Variants in CYP2D6 observed in about 807,000 individuals in gnomAD.
The protein encoded by CYP2D6 is cytochrome P450 family 2 subfamily D member 6 (gene/pseudogene).
CYP2D6 carries 51 observed loss-of-function variants against 43.5 expected under a neutral mutation model. The observed-to-expected ratio is 1.17, with a 90% CI of 0.94 to 1.48. The LOEUF (loss-of-function observed/expected upper bound fraction) is 1.48. Ranked by LOEUF, CYP2D6 falls within the 40% of genes most tolerant of loss-of-function variation. The probability of loss-of-function intolerance (pLI) is 0.00; values close to 1 mark genes in which losing one functional copy is unlikely to be tolerated. For missense variants in CYP2D6, 698 were observed against 688.0 expected (o/e 1.01, Z -0.16); for synonymous variants, 346 against 297.1 (o/e 1.16, Z -1.69).
In CYP2D6 at chr22:42,129,381, C is replaced by G. The variant is rs1373570637; in HGVS notation, c.353-196G>C. The G allele has an allele frequency of 3.5e-6, 3 of 867,500 alleles. No individual in the cohort carries two copies. The East Asian group carries it at 7.8e-5, about 23-fold the overall frequency. The allele number at this position is 867,500 out of a possible 1,614,324, so 53.7% of individuals were successfully genotyped here. A position where few individuals can be genotyped will look rare whatever the true frequency, so the allele number is the denominator to read the frequency against. ...TTTGCCCCACCTCGTCTCTGCCCAC[C>G]CTGACCGCCTTTGCACTCAGGGAAG... On this transcript the variant is annotated intron_variant, in intron 2 of 8. Coordinates refer to ENST00000645361, the MANE Select transcript of CYP2D6 (RefSeq NM_000106.6).
At chr22:42,127,791 GCCTGTAC>G in intron 6 of CYP2D6, 44 bp downstream of exon 6, 1 of 1,601,426 alleles carries the variant, frequency 6.2e-7, no homozygotes, top group Non-Finnish European at 8.6e-7. Flanking sequence ...ATGGGCCCCC[GCCTGTAC>G]CCTTCCTCCC....
rs1223910273 is a variant in CYP2D6 at position 42,129,862 on chromosome 22, C to T, written c.228G>A (p.Thr76=). ...GDVFSLQLAW[T]PVVVLNGLAA... is the part of the protein sequence containing the mutation. Reference sequence around the variant, plus strand: ...CCAGCCCATTGAGCACGACCACCGGCGTCCAGGCCAGCTGCAGGCTGAACA... The same window carrying T: ...CCAGCCCATTGAGCACGACCACCGGTGTCCAGGCCAGCTGCAGGCTGAACA... The change falls in exon 2 of 9, where the codon ACG becomes ACA. Residue 76 remains threonine (T), a synonymous_variant. Coordinates refer to ENST00000645361, the MANE Select transcript of CYP2D6 (RefSeq NM_000106.6). The T allele has an allele frequency of 6.3e-7, 1 of 1,596,506 alleles. No homozygotes were observed. The highest frequency in any genetic ancestry group is 8.5e-7 in the Non-Finnish European group (1 of 1,172,038).
Position 42,126,728 on chromosome 22 carries a change from G to A in CYP2D6, c.1340C>T (p.Pro447Leu). ...GAGGAAGAGCTCCATGCGGGCCAGG[G>A]GCTCCCCGAGGCATGCACGGCGGCC... The part of the protein sequence containing the change: ...SAGRRACLGE[P>L]LARMELFLFF... The change falls in exon 9 of 9, where the codon CCC becomes CTC. Residue 447 changes from proline to leucine, a missense_variant. Around this residue, in one of 5 missense-constraint regions of CYP2D6, gnomAD observed 85 missense variants for 81.2 expected, o/e 1.05. Coordinates refer to ENST00000645361, the MANE Select transcript of CYP2D6 (RefSeq NM_000106.6). 3 of 1,559,204 alleles carry A rather than the reference G, an allele frequency of 1.9e-6. No individual in the cohort carries two copies. The highest frequency in any genetic ancestry group is 1.7e-6 in the Non-Finnish European group (2 of 1,152,382).
rs113420533 is a variant in CYP2D6 at position 42,127,839 on chromosome 22, C to T, written c.985+3G>A. On this transcript the variant is annotated splice_donor_region_variant and intron_variant, in intron 6 of 8. Coordinates refer to ENST00000645361, the MANE Select transcript of CYP2D6 (RefSeq NM_000106.6). ...CCCTGCACTGTTTCCCAGATGGGCT[C>T]ACGCTGCACATCCGGATGTAGGATC... 3.1e-6 allele frequency: 5 copies of T among 1,610,920 alleles called. No homozygotes were observed. Among genetic ancestry groups the T allele is most frequent in the Non-Finnish European group, 3.4e-6 (4 of 1,177,974 alleles).
Position 42,126,690 on chromosome 22 carries a change from G to T in CYP2D6, c.1378C>A (p.Leu460Met), listed in dbSNP as rs759631541. ...RMELFLFFTS[L>M]LQHFSFSVPT... ...ACCGAGAAGCTGAAGTGCTGCAGCA[G>T]GGAGGTGAAGAAGAGGAAGAGCTCC... is the stretch of plus-strand genomic sequence containing the variant. Residue 460 changes from leucine to methionine, a missense_variant, in exon 9 of 9, where the codon CTG becomes ATG. Around this residue, in one of 5 missense-constraint regions of CYP2D6, gnomAD observed 85 missense variants for 81.2 expected, o/e 1.05. Transcript: ENST00000645361. 6.3e-7 allele frequency: 1 copy of T among 1,598,414 alleles called. No individual in the cohort carries two copies. Among genetic ancestry groups the T allele is most frequent in the East Asian group, 2.3e-5 (1 of 44,246 alleles).
chr22:42,130,614 G>A lies in CYP2D6; in HGVS notation c.178C>T (p.Gln60Ter), dbSNP rs774157537. 3.8e-6 allele frequency: 6 copies of A among 1,599,492 alleles called. 1 individual carries two copies. The highest frequency in any genetic ancestry group is 3.4e-6 in the Non-Finnish European group (4 of 1,172,834). Reference sequence around the variant, plus strand: ...CCCTCCAGGACCTCCTCCCTCACCTGGTCGAAGCAGTATGGTGTGTTCTGG... The same window carrying A: ...CCCTCCAGGACCTCCTCCCTCACCTAGTCGAAGCAGTATGGTGTGTTCTGG... Reference protein sequence around the residue: ...DFQNTPYCFDQLRRRFGDVFS... With the variant: ...DFQNTPYCFD The change falls in exon 1 of 9, where the codon CAG becomes TAG. Residue 60 changes from glutamine to a stop codon, truncating the protein, a stop_gained and splice_region_variant. Coordinates refer to ENST00000645361, the MANE Select transcript of CYP2D6 (RefSeq NM_000106.6). LOFTEE classifies it high-confidence loss of function.
rs900446609 is a variant in CYP2D6, at chr22:42,128,939, G to A, written c.511C>T (p.Pro171Ser). 3 of 1,587,028 alleles carry A rather than the reference G, an allele frequency of 1.9e-6. No homozygotes were observed. Reference protein sequence around the residue: ...CAAFANHSGRPFRPNGLLDKA... With the variant: ...CAAFANHSGRSFRPNGLLDKA... ...TCCAAGAGACCGTTGGGGCGAAAGG[G>A]GCGTCCTGGGGGTGGGAGATGCGGG... The change falls in exon 4 of 9, where the codon CCC becomes TCC. Residue 171 changes from proline (P) to serine (S), a missense_variant. By Grantham distance (74) the Pro-to-Ser change is moderately conservative (BLOSUM62 -1). Around this residue, in one of 5 missense-constraint regions of CYP2D6, gnomAD observed 588 missense variants for 521.1 expected, o/e 1.13. Transcript: ENST00000645361.
In CYP2D6 at chr22:42,129,705, C is replaced by A. The variant is rs373884067; in HGVS notation, c.352+33G>T. 22 of 1,608,254 alleles carry A rather than the reference C, an allele frequency of 1.4e-5. 1 individual carries two copies. The highest frequency in any genetic ancestry group is 1.8e-5 in the Non-Finnish European group (21 of 1,177,546). On this transcript the variant is annotated intron_variant, in intron 2 of 8. Coordinates refer to ENST00000645361, the MANE Select transcript of CYP2D6 (RefSeq NM_000106.6). ...ACGGTCATCACCCACCCGGGTCCCA[C>A]GGAAATCTGTCTCTGTCCCCACCGC... is the stretch of plus-strand genomic sequence containing the variant.
chr22:42,128,409 T>C, intron 4 of CYP2D6, 59 bp from the exon 5 acceptor site: 1 of 1,580,230 alleles, frequency 6.3e-7, no homozygotes, highest in Non-Finnish European at 8.7e-7. Flanking sequence ...CCTGGACAAG[T>C]CTCAGGCCCC....
At chr22:42,129,529 T>G (rs969335101) in intron 2 of CYP2D6, 14 of 763,316 alleles carry the variant, frequency 1.8e-5, no homozygotes, top group Non-Finnish European at 3.1e-5. Context: ...TCCTGCCAGG[T>G]CTCGGCAGTG....
intron 2 of CYP2D6, 120 bp from the exon 3 acceptor site, chr22:42,129,305 A>C (rs1389173674): frequency 1.5e-6 from 2 of 1,291,710 alleles, no homozygotes; most frequent in East Asian, 4.8e-5. Context: ...CCAGCTGGTC[A>C]CAGGGCCCAC....
intron 6 of CYP2D6, 67 bp from the exon 7 acceptor site, chr22:42,127,701 C>G: frequency 6.3e-7 from 1 of 1,580,120 alleles, no homozygotes; most frequent in Non-Finnish European, 8.7e-7. Context: ...CTCCTTCTTG[C>G]CTCCTATGTT....
In CYP2D6 at chr22:42,128,786, C is replaced by G. The variant is rs753945541; in HGVS notation, c.664G>C (p.Glu222Gln). 2.5e-6 allele frequency: 4 copies of G among 1,605,794 alleles called. 1 individual carries two copies. Among genetic ancestry groups the G allele is most frequent in the Non-Finnish European group, 3.4e-6 (4 of 1,175,680 alleles). The change falls in exon 4 of 9, where the codon GAG (glutamate) becomes CAG (glutamine). Residue 222 changes from glutamate to glutamine, a missense_variant and splice_region_variant. Around this residue, in one of 5 missense-constraint regions of CYP2D6, gnomAD observed 588 missense variants for 521.1 expected, o/e 1.13. Transcript: ENST00000645361. ...GLKEESGFLR[E>Q]VLNAVPVLLH... is the part of the protein sequence containing the mutation. Reference sequence around the variant, plus strand: ...CTCCTCGGTCTCTCGCTCCGCACCTCGCGCAGAAAGCCCGACTCCTCCTTC... The same window carrying G: ...CTCCTCGGTCTCTCGCTCCGCACCTGGCGCAGAAAGCCCGACTCCTCCTTC...
Position 42,128,343 on chromosome 22 carries a change from T to C in CYP2D6, c.674A>G (p.Asn225Ser). The change falls in exon 5 of 9, where the codon AAT (asparagine) becomes AGT (serine). Residue 225 changes from asparagine to serine, a missense_variant. Asn to Ser is a conservative substitution (Grantham distance 46). This residue lies in a region of CYP2D6 where 588 missense variants were observed against 521.1 expected (regional missense o/e 1.13). Coordinates refer to ENST00000645361, the MANE Select transcript of CYP2D6 (RefSeq NM_000106.6). ...EESGFLREVLNAVPVLLHIPA... is the reference protein window; with the variant it reads ...EESGFLREVLSAVPVLLHIPA... ...GATATGCAGGAGGACGGGGACAGCATTCAGCACCTACACCAGACAGAACGG... is the reference window on the plus strand; with the variant it reads ...GATATGCAGGAGGACGGGGACAGCACTCAGCACCTACACCAGACAGAACGG... 1.3e-5 allele frequency: 21 copies of C among 1,610,198 alleles called. 1 individual carries two copies. Among genetic ancestry groups the C allele is most frequent in the Non-Finnish European group, 1.7e-5 (20 of 1,177,776 alleles).
chr22:42,126,649 G>A lies in CYP2D6; in HGVS notation c.1419C>T (p.Pro473=). 1.2e-6 allele frequency: 2 copies of A among 1,609,536 alleles called. No homozygotes were observed. The highest frequency in any genetic ancestry group is 1.7e-6 in the Non-Finnish European group (2 of 1,177,872). Residue 473 remains proline (P), a synonymous_variant, in exon 9 of 9, where the codon CCC becomes CCT. Transcript: ENST00000645361. The part of the protein sequence containing the change: ...HFSFSVPTGQ[P]RPSHHGVFAF... ...CAAAGACACCATGGTGGCTGGGCCG[G>A]GGCTGTCCAGTGGGCACCGAGAAGC...
rs770606097 is a variant in CYP2D6 at position 42,129,805 on chromosome 22, G to A, written c.285C>T (p.Gly95=). The change falls in exon 2 of 9, where the codon GGC becomes GGT. Residue 95 remains glycine (G), a synonymous_variant. Transcript: ENST00000645361. ...CAGGCGGGCGGTCGGCGGTGTCCTC[G>A]CCGTGGGTCACCAGCGCCTCGCGCA... The part of the protein sequence containing the change: ...AAVREALVTH[G]EDTADRPPVP... The A allele has an allele frequency of 6.2e-6, 10 of 1,606,014 alleles. 1 individual carries two copies. Among genetic ancestry groups the A allele is most frequent in the Admixed American group, 1.7e-5 (1 of 59,722 alleles).
In CYP2D6 at chr22:42,126,679, G is replaced by A. The variant is rs749471493; in HGVS notation, c.1389C>T (p.His463=). 1.9e-6 allele frequency: 3 copies of A among 1,604,488 alleles called. No individual in the cohort carries two copies. The highest frequency in any genetic ancestry group is 8.5e-7 in the Non-Finnish European group (1 of 1,175,664). ...GTCCAGTGGGCACCGAGAAGCTGAA[G>A]TGCTGCAGCAGGGAGGTGAAGAAGA... The part of the protein sequence containing the change: ...LFLFFTSLLQ[H]FSFSVPTGQP... The change falls in exon 9 of 9, where the codon CAC becomes CAT. Residue 463 remains histidine (H), a synonymous_variant. Coordinates refer to ENST00000645361, the MANE Select transcript of CYP2D6 (RefSeq NM_000106.6).
rs1477934753 is a variant in CYP2D6 at position 42,129,539 on chromosome 22, GGCCCCGCCCACTCGTCACAA to G, written c.352+179_352+198del. The G allele has an allele frequency of 6.3e-6, 5 of 795,992 alleles. No homozygotes were observed. In the Admixed American group the frequency reaches 6.5e-5, roughly 10 times the overall value. The allele number at this position is 795,992 out of a possible 1,614,324, so 49.3% of individuals were successfully genotyped here. A position where few individuals can be genotyped will look rare whatever the true frequency, so the allele number is the denominator to read the frequency against. On this transcript the variant is annotated intron_variant, in intron 2 of 8. Transcript: ENST00000645361. The stretch of plus-strand genomic sequence containing the variant: ...TGGGCTCCTGCCAGGTCTCGGCAGT[GGCCCCGCCCACTCGTCACAA>G]GCCCCGCCCTCGTCCCCATGCTCAC...
intron 2 of CYP2D6, 157 bp from the exon 3 acceptor site, chr22:42,129,342 G>A (rs1270508089): frequency 9.3e-6 from 10 of 1,072,348 alleles, no homozygotes; most frequent in Middle Eastern, 1.9e-4. Flanking sequence ...TTGCTCCCTT[G>A]GCTGGGGCAG....
Sources: allele counts gnomAD v4.1 joint callset, GRCh38; gene constraint gnomAD v4.1.1; regional missense constraint gnomAD v4.1.1; transcripts MANE v1.5; gene names NCBI Gene and HGNC (gene_info 2026-07-23, HGNC 2026-07-21).